The following DHX57 variants were observed in gnomAD, a reference collection of about 807,000 sequenced individuals.
DHX57 encodes the protein DExH-box helicase 57.
In DHX57, 105 loss-of-function variants were observed where a neutral mutation model predicts 156.2. That is an observed-to-expected ratio of 0.67 (90% CI 0.57 to 0.79). The LOEUF is 0.79. DHX57 is among the 30% of genes least tolerant of loss of function. The pLI, the probability that DHX57 is intolerant of heterozygous loss-of-function variation, is 0.00. For missense variants in DHX57, 1,847 were observed against 1,661.9 expected (o/e 1.11, Z -1.94); for synonymous variants, 704 against 595.6 (o/e 1.18, Z -2.65).
At position 38,862,343 on chromosome 2, in the gene DHX57, G is replaced by T. The variant is rs1256401080; in HGVS notation, c.384-10C>A. On this transcript the variant is annotated splice_polypyrimidine_tract_variant and intron_variant, in intron 3 of 23. Coordinates refer to ENST00000457308, the MANE Select transcript of DHX57 (RefSeq NM_198963.3). ...CCCAGAAAGGCCTCTTCTAGCAAAG[G>T]CAACATTTTCATATATTAGATATTA... is the stretch of plus-strand genomic sequence containing the variant. 1.3e-6 allele frequency: 2 copies of T among 1,546,738 alleles called. No individual in the cohort carries two copies. Among genetic ancestry groups the T allele is most frequent in the East Asian group, 4.6e-5 (2 of 43,700 alleles).
intron 1 of DHX57, among the ~76,000 whole-genome samples, chr2:38,873,436 T>C (rs1284202862): frequency 6.6e-6 from 1 of 152,222 alleles, no homozygotes. Context: ...TATTCCTTTC[T>C]TCAAAATTGC....
chr2:38,841,882 A>C (rs1276715643), intron 12 of DHX57, among the ~76,000 whole-genome samples: 1 of 152,190 alleles, frequency 6.6e-6, no homozygotes, highest in Non-Finnish European at 1.5e-5. Context: ...CATACATAAA[A>C]AGCTCAGCAC....
chr2:38,869,518 G>A (rs1665256838), intron 1 of DHX57, among the ~76,000 whole-genome samples: 1 of 152,176 alleles, frequency 6.6e-6, no homozygotes, highest in Non-Finnish European at 1.5e-5. Context: ...TACTTTGGTT[G>A]GATTAGTTTG....
chr2:38,842,455 T>A (rs186569222), intron 12 of DHX57, among the ~76,000 whole-genome samples: 189 of 152,324 alleles, frequency 1.2e-3, no homozygotes, highest in Admixed American at 2.1e-3. Flanking sequence ...TGTCCTCATT[T>A]TGATCACTGT....
intron 23 of DHX57, among the ~76,000 whole-genome samples, chr2:38,800,852 C>G (rs1048538636): frequency 6.6e-6 from 1 of 152,140 alleles, no homozygotes. Context: ...AGTGGCTTAT[C>G]TAATGTCTAT....
chr2:38,850,891 A>G (rs758573879), intron 9 of DHX57, among the ~76,000 whole-genome samples: 9 of 152,040 alleles, frequency 5.9e-5, no homozygotes, highest in Non-Finnish European at 1.3e-4. Context: ...CCTGGCCAAC[A>G]TGGTGAAACT....
intron 9 of DHX57, among the ~76,000 whole-genome samples, chr2:38,849,539 C>T (rs1187486652): frequency 2.8e-5 from 2 of 71,596 alleles, no homozygotes; most frequent in Admixed American, 4.1e-4. Flanking sequence ...TAGCAAGACC[C>T]CATCTCTTAA....
intron 13 of DHX57, among the ~76,000 whole-genome samples, chr2:38,828,856 T>G (rs551881942): frequency 6.6e-6 from 1 of 152,340 alleles, no homozygotes; most frequent in South Asian, 2.1e-4. Context: ...AGATTTATCT[T>G]TCTATAACCA....
rs373911113 is a variant in DHX57, at chr2:38,861,189, G to A, written c.1221C>T (p.Val407=). The A allele has an allele frequency of 6.2e-6, 10 of 1,614,072 alleles. No homozygotes were observed. Among genetic ancestry groups the A allele is most frequent in the South Asian group, 3.3e-5 (3 of 91,072 alleles). ...CTAAAAGGGTTATCAAAGAATATAC[G>A]ACAGGTTCCGAAGTTTCCGCAAATG... is the stretch of plus-strand genomic sequence containing the variant. ...ALTFAETSEP[V]VYSLITLLEE... Residue 407 remains valine, a synonymous_variant, in exon 5 of 24, where the codon GTC becomes GTT. Coordinates refer to ENST00000457308, the MANE Select transcript of DHX57 (RefSeq NM_198963.3).
At chr2:38,827,813 T>C (rs1671180771) in intron 14 of DHX57, among the ~76,000 whole-genome samples, 1 of 152,052 alleles carries the variant, frequency 6.6e-6, no homozygotes, top group African/African-American at 2.4e-5. Context: ...TCTGGGGCTC[T>C]GACATCTAAA....
chr2:38,806,048 T>C (rs911362001), intron 22 of DHX57, among the ~76,000 whole-genome samples: 1 of 151,992 alleles, frequency 6.6e-6, no homozygotes, highest in African/African-American at 2.4e-5. Flanking sequence ...AAAAATAACA[T>C]CAAGGAGAAT....
intron 17 of DHX57, among the ~76,000 whole-genome samples, chr2:38,821,556 G>A (rs1670816128): frequency 6.6e-6 from 1 of 152,112 alleles, no homozygotes; most frequent in East Asian, 1.9e-4. Context: ...AGCTGGGCAT[G>A]GTGGCACACA....
At chr2:38,840,458 G>A (rs1671932268) in intron 12 of DHX57, among the ~76,000 whole-genome samples, 1 of 151,154 alleles carries the variant, frequency 6.6e-6, no homozygotes, top group South Asian at 2.1e-4. Flanking sequence ...TGGGCTCACT[G>A]TAGCCTCCGC....
chr2:38,829,289 T>TC, intron 13 of DHX57, among the ~76,000 whole-genome samples: 1 of 150,554 alleles, frequency 6.6e-6, no homozygotes, highest in East Asian at 2.0e-4. Flanking sequence ...GGCTATTTTT[T>TC]TTTTTTTTTG....
rs570984881 is a variant in DHX57, at chr2:38,842,943, G to T, written c.2425+62C>A. ...TCATATTTTTCTTCTTCCGAATCTT[G>T]GTAAGAAAGAATACTAGAAATCTTT... On this transcript the variant is annotated intron_variant, in intron 12 of 23. Coordinates refer to ENST00000457308, the MANE Select transcript of DHX57 (RefSeq NM_198963.3). 50 of 1,541,522 alleles carry T rather than the reference G, an allele frequency of 3.2e-5. No individual in the cohort carries two copies. The East Asian group carries it at 1.0e-3, about 31-fold the overall frequency.
Position 38,803,774 on chromosome 2 carries a change from T to A in DHX57, c.3817-859A>T, listed in dbSNP as rs540222392. Among the ~76,000 whole-genome samples the A allele has an allele frequency of 1.2e-3, 152 of 131,270 alleles. 1 individual carries two copies. The highest frequency in any genetic ancestry group is 3.6e-3 in the Admixed American group (44 of 12,250). The allele number at this position is 131,270 out of a possible 152,430, so 86.1% of individuals were successfully genotyped here. ...AAAGTCCTGGGATTACAGGTGTGAG[T>A]CACCACACCCAGCCTTTTTTTTTTT... On this transcript the variant is annotated intron_variant, in intron 22 of 23. Transcript: ENST00000457308.
At chr2:38,817,180 C>A (rs1254320587) in intron 19 of DHX57, among the ~76,000 whole-genome samples, 1 of 152,158 alleles carries the variant, frequency 6.6e-6, no homozygotes, top group Admixed American at 6.5e-5. Context: ...GTTCTGCCTG[C>A]CTTGGCTTCC....
chr2:38,856,805 CAG>C (rs1470069391), intron 6 of DHX57: 2 of 172,654 alleles, frequency 1.2e-5, no homozygotes, highest in African/African-American at 4.9e-5. Context: ...ATTATAGAGA[CAG>C]AGTCTTGTTA....
At chr2:38,815,676 T>G (rs1670508905) in intron 19 of DHX57, 21 bp from the exon 20 acceptor site, 6 of 1,613,922 alleles carry the variant, frequency 3.7e-6, no homozygotes, top group South Asian at 1.1e-5. Context: ...TGGAAAAACC[T>G]TTAAGCAAGG....
Sources: allele counts gnomAD v4.1 joint callset (sites outside exome capture counted in the v4.1 genomes callset), GRCh38; gene constraint gnomAD v4.1.1; transcripts MANE v1.5; gene names NCBI Gene and HGNC (gene_info 2026-07-23, HGNC 2026-07-21).